KCNB2: variants seen among roughly 807,000 people sequenced by gnomAD.
KCNB2 encodes potassium voltage-gated channel subfamily B member 2.
KCNB2 carries 15 observed loss-of-function variants against 61.5 expected under a neutral mutation model. The ratio of observed to expected loss-of-function variants is 0.24; its 90% CI spans 0.16 to 0.38. The LOEUF (loss-of-function observed/expected upper bound fraction) is 0.38, where lower values mean the gene tolerates loss of function less well. Among genes scored for constraint, KCNB2 ranks in the 10% least tolerant of loss-of-function variants. KCNB2 has a pLI of 1.00. For synonymous variants in KCNB2, 457 were observed against 446.0 expected, an observed-to-expected ratio of 1.02 and a Z score of -0.31; for missense variants, 828 against 1,125.2, an observed-to-expected ratio of 0.74 and a Z score of 3.78.
At chr8:72,561,404 C>G (rs543155021) in intron 1 of KCNB2, among the ~76,000 whole-genome samples, 1 of 151,504 alleles carries the variant, frequency 6.6e-6, no homozygotes, top group Non-Finnish European at 1.5e-5. Flanking sequence ...ATCTGCCCAC[C>G]TTGGCCTCCC....
At chr8:72,708,306 A>T (rs1262185894) in intron 2 of KCNB2, among the ~76,000 whole-genome samples, 5 of 78,542 alleles carry the variant, frequency 6.4e-5, no homozygotes, top group Non-Finnish European at 1.3e-4. Context: ...TATTTGGCTT[A>T]GTTTCTTTTT....
At chr8:72,830,926 A>C (rs1809683274) in intron 2 of KCNB2, among the ~76,000 whole-genome samples, 1 of 152,240 alleles carries the variant, frequency 6.6e-6, no homozygotes, top group South Asian at 2.1e-4. Context: ...TTCACAAAAA[A>C]TCCCAGGTTT....
intron 2 of KCNB2, among the ~76,000 whole-genome samples, chr8:72,897,871 G>T (rs1012049133): frequency 2.0e-5 from 3 of 152,048 alleles, no homozygotes; most frequent in Admixed American, 6.6e-5. Flanking sequence ...GACTTCTTGG[G>T]TGCACCCTGT....
chr8:72,809,460 C>A, intron 2 of KCNB2, among the ~76,000 whole-genome samples: 1 of 152,146 alleles, frequency 6.6e-6, no homozygotes, highest in East Asian at 1.9e-4. Context: ...CAGCTCTTCT[C>A]CCTGGAACTC....
At chr8:72,659,488 T>G (rs1016041997) in intron 2 of KCNB2, among the ~76,000 whole-genome samples, 4 of 152,230 alleles carry the variant, frequency 2.6e-5, no homozygotes, top group Admixed American at 2.0e-4. Context: ...GCATCAGGGT[T>G]TGAAAAGATT....
intron 2 of KCNB2, among the ~76,000 whole-genome samples, chr8:72,689,623 T>G (rs1361065902): frequency 6.6e-6 from 1 of 152,198 alleles, no homozygotes; most frequent in Non-Finnish European, 1.5e-5. Flanking sequence ...TTGCCTTTTC[T>G]GGACATTTCC....
At chr8:72,661,570 A>G (rs1339586486) in intron 2 of KCNB2, 2 of 152,180 alleles carry the variant, frequency 1.3e-5, no homozygotes, top group African/African-American at 2.4e-5. Context: ...ACTCTGTTTA[A>G]TGTGTTTGTT....
At chr8:72,882,520 T>TGTGAGA in intron 2 of KCNB2, among the ~76,000 whole-genome samples, 1 of 115,362 alleles carries the variant, frequency 8.7e-6, no homozygotes, top group Non-Finnish European at 1.8e-5. Context: ...TGCTGACAGT[T>TGTGAGA]GAGAGAGAGA....
chr8:72,782,261 C>T (rs1808771145), intron 2 of KCNB2, among the ~76,000 whole-genome samples: 1 of 152,128 alleles, frequency 6.6e-6, no homozygotes, highest in Non-Finnish European at 1.5e-5. Context: ...GGGAAGTCCA[C>T]TTAATCATTT....
intron 2 of KCNB2, among the ~76,000 whole-genome samples, chr8:72,777,129 C>T (rs77015305): frequency 0.017 from 2,595 of 152,246 alleles, 36 homozygotes; most frequent in Non-Finnish European, 0.025. Context: ...TAAGCAGTAT[C>T]TTCTCTCTTC....
chr8:72,602,909 C>G (rs1381487762), intron 2 of KCNB2, among the ~76,000 whole-genome samples: 1 of 151,332 alleles, frequency 6.6e-6, no homozygotes, highest in East Asian at 1.9e-4. Context: ...TTTGATCTGT[C>G]ACAAATGAAT....
chr8:72,889,883 G>C (rs543226558), intron 2 of KCNB2, among the ~76,000 whole-genome samples: 1 of 152,000 alleles, frequency 6.6e-6, no homozygotes, highest in Non-Finnish European at 1.5e-5. Flanking sequence ...TGCCTCCCAA[G>C]TAGCTGGGAT....
At chr8:72,860,673 A>T (rs1810285472) in intron 2 of KCNB2, among the ~76,000 whole-genome samples, 1 of 152,216 alleles carries the variant, frequency 6.6e-6, no homozygotes, top group South Asian at 2.1e-4. Context: ...TATCTGAGGA[A>T]ATGCACTTAA....
chr8:72,643,218 G>T (rs1166891712), intron 2 of KCNB2, among the ~76,000 whole-genome samples: 1 of 152,136 alleles, frequency 6.6e-6, no homozygotes, highest in Non-Finnish European at 1.5e-5. Flanking sequence ...AGGATGGAAA[G>T]AAGGGTGGAA....
At chr8:72,894,438 A>G (rs57828615) in intron 2 of KCNB2, among the ~76,000 whole-genome samples, 2,303 of 152,260 alleles carry the variant, frequency 0.015, 75 homozygotes, top group African/African-American at 0.053. Flanking sequence ...AAGATGAGGG[A>G]TGCGATTCAA....
rs1262552851 is a variant in KCNB2, at chr8:72,937,647, A to G, written c.2292A>G (p.Gly764=). ...TCTTAGAAGAAACCCCCTCCCAGGG[A>G]GACAGACCCTTGCTGGGCACTGAGG... is the stretch of plus-strand genomic sequence containing the variant. ...TILLEETPSQ[G]DRPLLGTEVS... Residue 764 remains glycine, a synonymous_variant, in exon 3 of 3, where the codon GGA becomes GGG. Transcript: ENST00000523207. 1.2e-6 allele frequency: 2 copies of G among 1,614,078 alleles called. No homozygotes were observed. Among genetic ancestry groups the G allele is most frequent in the East Asian group, 2.2e-5 (1 of 44,854 alleles).
At chr8:72,783,110 G>C (rs981421156) in intron 2 of KCNB2, among the ~76,000 whole-genome samples, 1 of 152,114 alleles carries the variant, frequency 6.6e-6, no homozygotes, top group Non-Finnish European at 1.5e-5. Context: ...ATAGTTCTAA[G>C]AACTTTACAG....
At chr8:72,786,821 T>G (rs931498028) in intron 2 of KCNB2, among the ~76,000 whole-genome samples, 1 of 152,178 alleles carries the variant, frequency 6.6e-6, no homozygotes, top group Admixed American at 6.5e-5. Flanking sequence ...ATAATAATCA[T>G]TGGAAAAAGA....
intron 2 of KCNB2, among the ~76,000 whole-genome samples, chr8:72,600,543 T>C (rs1311112873): frequency 6.6e-6 from 1 of 151,662 alleles, no homozygotes; most frequent in Non-Finnish European, 1.5e-5. Flanking sequence ...TGTATACATA[T>C]GTAACAAACC....
Sources: gnomAD v4.1 joint callset for allele counts (sites outside exome capture counted in the v4.1 genomes callset) on GRCh38, gnomAD v4.1.1 for gene constraint, MANE v1.5 for transcripts, NCBI Gene and HGNC (gene_info 2026-07-23, HGNC 2026-07-21) for gene names.